Variants in LOC101059915 observed in about 807,000 individuals in gnomAD.
chrX:71,669,855 C>T, the LOC101059915 span: 6 of 615,809 alleles, frequency 9.7e-6, no homozygotes, highest in Non-Finnish European at 1.1e-5. Context: ...AATGGGGTGT[C>T]GACAGGGCTG....
the LOC101059915 span, chrX:71,667,814 C>A: frequency 9.3e-6 from 10 of 1,069,850 alleles, no homozygotes; most frequent in Non-Finnish European, 1.2e-5. Context: ...ATGAGCTCCA[C>A]GGATGAAGTG....
At chrX:71,668,745 C>T in the LOC101059915 span, 2 of 1,070,948 alleles carry the variant, frequency 1.9e-6, no homozygotes, top group African/African-American at 1.9e-5. Context: ...GGCCCCTACC[C>T]CGGGGCACTC....
At chrX:71,671,254 T>C in the LOC101059915 span, 1 of 1,162,273 alleles carries the variant, frequency 8.6e-7, no homozygotes, top group Non-Finnish European at 1.1e-6. Context: ...GTGAAGTGAG[T>C]GTTGCACACG....
the LOC101059915 span, chrX:71,670,204 G>A: frequency 1.7e-6 from 2 of 1,160,111 alleles, no homozygotes; most frequent in Non-Finnish European, 2.3e-6. Flanking sequence ...ACCCTGCTAC[G>A]CCCTTTCCAC....
At chrX:71,668,184 C>A in the LOC101059915 span, 1 of 1,127,194 alleles carries the variant, frequency 8.9e-7, no homozygotes, top group African/African-American at 1.8e-5. Context: ...CAGAAGGCGC[C>A]ACTGCCAAAG....
the LOC101059915 span, chrX:71,669,091 C>A: frequency 5.3e-4 from 584 of 1,104,467 alleles, 2 homozygotes; most frequent in African/African-American, 7.6e-3. Flanking sequence ...CTCTCCTCTT[C>A]CTCTTTCTCC....
the LOC101059915 span, chrX:71,671,326 C>A: frequency 9.7e-7 from 1 of 1,032,635 alleles, no homozygotes; most frequent in Non-Finnish European, 1.3e-6. Flanking sequence ...TGGCTGGGGG[C>A]CCATCCCTGA....
chrX:71,667,773 C>G, the LOC101059915 span: 1 of 1,031,849 alleles, frequency 9.7e-7, no homozygotes, highest in Non-Finnish European at 1.2e-6. Flanking sequence ...ACTGTCTCCC[C>G]ACAGCCTGGC....
At chrX:71,668,236 T>G in the LOC101059915 span, 6 of 1,119,078 alleles carry the variant, frequency 5.4e-6, no homozygotes, top group Non-Finnish European at 7.0e-6. Context: ...CGGTCCCAGT[T>G]GGAGAGGTGC....
At chrX:71,670,003 G>A in the LOC101059915 span, among the ~76,000 whole-genome samples, 7 of 112,529 alleles carry the variant, frequency 6.2e-5, no homozygotes, top group African/African-American at 1.9e-4. Flanking sequence ...CAGCCATACC[G>A]GCCCTCCCAG....
At chrX:71,667,882 G>C in the LOC101059915 span, 3 of 1,108,463 alleles carry the variant, frequency 2.7e-6, no homozygotes, top group African/African-American at 1.9e-5. Context: ...CGCCCACACC[G>C]CCAGCCCGGG....
chrX:71,670,512 G>A, the LOC101059915 span: 1 of 1,068,476 alleles, frequency 9.4e-7, no homozygotes, highest in African/African-American at 1.9e-5. Context: ...TGGGCTGCAG[G>A]CTATGGGGGC....
At chrX:71,669,405 C>T in the LOC101059915 span, among the ~76,000 whole-genome samples, 3 of 110,904 alleles carry the variant, frequency 2.7e-5, no homozygotes, top group African/African-American at 9.8e-5. Flanking sequence ...TTCCTCCTTC[C>T]CTAGCTGTTA....
At chrX:71,668,261 C>A in the LOC101059915 span, 27 of 1,130,273 alleles carry the variant, frequency 2.4e-5, no homozygotes, top group East Asian at 5.9e-4. Flanking sequence ...AGCCCCAGCC[C>A]TGGAGAATGG....
At chrX:71,671,198 C>T in the LOC101059915 span, 1 of 1,165,491 alleles carries the variant, frequency 8.6e-7, no homozygotes, top group Non-Finnish European at 1.1e-6. Flanking sequence ...TTCTGTCTCT[C>T]TGTTTCAGCT....
chrX:71,669,656 C>T, the LOC101059915 span: 54 of 968,505 alleles, frequency 5.6e-5, no homozygotes, highest in Non-Finnish European at 6.9e-5. Flanking sequence ...GTACTAGGAA[C>T]CTCACAGCCC....
chrX:71,668,013 G>C, the LOC101059915 span: 1 of 1,166,270 alleles, frequency 8.6e-7, no homozygotes, highest in African/African-American at 1.8e-5. Context: ...TCGAGTCTGA[G>C]AGCGAATTGA....
At chrX:71,669,427 C>A in the LOC101059915 span, 1 of 557,944 alleles carries the variant, frequency 1.8e-6, no homozygotes, top group Non-Finnish European at 2.5e-6. Context: ...GCAAGCCCTC[C>A]TGTCTTGGGG....
the LOC101059915 span, chrX:71,671,309 C>T: frequency 4.6e-6 from 5 of 1,092,494 alleles, no homozygotes; most frequent in Non-Finnish European, 6.1e-6. Context: ...GGGCTGTGGG[C>T]TCACCCTGGC....
Sources: allele counts gnomAD v4.1 joint callset (sites outside exome capture counted in the v4.1 genomes callset), GRCh38; gene constraint gnomAD v4.1.1; transcripts MANE v1.5.